Variants in KLF12 observed in about 807,000 individuals in gnomAD.
KLF12 encodes the protein Krueppel-like factor 12.
KLF12 carries 9 observed loss-of-function variants against 37.8 expected under a neutral mutation model. That is an observed-to-expected ratio of 0.24 (90% CI 0.14 to 0.42). KLF12 has a LOEUF of 0.42. Ranked by LOEUF, KLF12 falls within the 10% of genes least tolerant of loss-of-function variation. KLF12 has a pLI of 1.00. For synonymous variants in KLF12, 208 were observed against 202.1 expected, an observed-to-expected ratio of 1.03 and a Z score of -0.25; for missense variants, 411 against 516.0, an observed-to-expected ratio of 0.80 and a Z score of 1.97.
chr13:74,163,465 G>T, the KLF12 span, among the ~76,000 whole-genome samples: 1 of 152,158 alleles, frequency 6.6e-6, no homozygotes, highest in African/African-American at 2.4e-5. Flanking sequence ...TACCTTAAGT[G>T]AAATAAGCCA....
intron 3 of KLF12, among the ~76,000 whole-genome samples, chr13:73,914,082 C>T (rs2139170360): frequency 6.6e-6 from 1 of 151,950 alleles, no homozygotes; most frequent in East Asian, 1.9e-4. Flanking sequence ...CTGCCAACAT[C>T]AATAAATGTT....
intron 7 of KLF12, among the ~76,000 whole-genome samples, chr13:73,709,836 T>A (rs1875226678): frequency 6.6e-6 from 1 of 152,166 alleles, no homozygotes; most frequent in South Asian, 2.1e-4. Context: ...TTAAGACCTA[T>A]CTGAATGGAG....
the KLF12 span, among the ~76,000 whole-genome samples, chr13:74,201,714 T>C: frequency 6.6e-6 from 1 of 152,168 alleles, no homozygotes; most frequent in Non-Finnish European, 1.5e-5. Flanking sequence ...AAATCCAGGC[T>C]TCTCTGGCTC....
At chr13:73,888,008 A>ATT (rs35761111) in intron 3 of KLF12, among the ~76,000 whole-genome samples, 2,787 of 147,704 alleles carry the variant, frequency 0.019, 55 homozygotes, top group African/African-American at 0.051. Context: ...AAATTTCAGA[A>ATT]TTTTTTTTTT....
At chr13:74,074,126 C>T (rs1161421723) in intron 1 of KLF12, among the ~76,000 whole-genome samples, 1 of 152,192 alleles carries the variant, frequency 6.6e-6, no homozygotes, top group East Asian at 1.9e-4. Flanking sequence ...ACTGTCCCTT[C>T]TGCTACTGTT....
At position 74,108,370 on chromosome 13, in the gene KLF12, A is replaced by G. The variant is rs1452937332; in HGVS notation, c.-32+25369T>C. The stretch of plus-strand genomic sequence containing the variant: ...TCAAAAACTCTAAATATGTTCATTT[A>G]CATATTATTTTTCTTCAAGAATCTA... On this transcript the variant is annotated intron_variant, in intron 1 of 7. Coordinates refer to ENST00000377669, the MANE Select transcript of KLF12 (RefSeq NM_007249.5). Among the ~76,000 whole-genome samples, 3 of 152,144 alleles carry G rather than the reference A, an allele frequency of 2.0e-5. No homozygotes were observed. In the East Asian group the frequency reaches 5.8e-4, roughly 29 times the overall value.
At chr13:73,854,562 C>T (rs1319760120) in intron 3 of KLF12, among the ~76,000 whole-genome samples, 6 of 152,146 alleles carry the variant, frequency 3.9e-5, no homozygotes, top group Non-Finnish European at 7.4e-5. Flanking sequence ...GGCATATTAG[C>T]AAAACAATGG....
intron 1 of KLF12, among the ~76,000 whole-genome samples, chr13:74,045,140 A>T (rs1893508350): frequency 6.6e-6 from 1 of 152,196 alleles, no homozygotes; most frequent in Non-Finnish European, 1.5e-5. Flanking sequence ...CTTCCAAGAG[A>T]ACAGTAATAA....
At chr13:73,955,106 TA>T in intron 2 of KLF12, among the ~76,000 whole-genome samples, 1 of 152,330 alleles carries the variant, frequency 6.6e-6, no homozygotes, top group South Asian at 2.1e-4. Flanking sequence ...ATAATTTTTT[TA>T]AGACTTCAAA....
At chr13:73,830,073 A>C (rs1884069634) in intron 4 of KLF12, among the ~76,000 whole-genome samples, 4 of 152,220 alleles carry the variant, frequency 2.6e-5, no homozygotes, top group Non-Finnish European at 5.9e-5. Flanking sequence ...GTGCTTGTTA[A>C]TAGTTGCATT....
Position 73,940,565 on chromosome 13 carries a change from A to G in KLF12, c.123+3416T>C, listed in dbSNP as rs923321879. Among the ~76,000 whole-genome samples the G allele has an allele frequency of 2.0e-5, 3 of 152,156 alleles. No homozygotes were observed. The South Asian group carries it at 6.2e-4, about 32-fold the overall frequency. The stretch of plus-strand genomic sequence containing the variant: ...TTACAATTTTGATTTTTATGTTCAC[A>G]ATAACCCTATGACATAGAGCAGGTT... On this transcript the variant is annotated intron_variant, in intron 3 of 7. Transcript: ENST00000377669.
chr13:73,734,617 T>C (rs2137830464), intron 6 of KLF12, among the ~76,000 whole-genome samples: 1 of 148,568 alleles, frequency 6.7e-6, no homozygotes, highest in East Asian at 2.1e-4. Context: ...TCTTCCTTTT[T>C]TGGGGGGGTG....
chr13:73,876,390 TTCCCTTAAAAGAC>T (rs1886705947), intron 3 of KLF12, among the ~76,000 whole-genome samples: 1 of 152,206 alleles, frequency 6.6e-6, no homozygotes, highest in Non-Finnish European at 1.5e-5. Context: ...GAAAACTCTC[TTCCCTTAAAAGAC>T]TCCTGTGATA....
chr13:73,691,253 A>C lies in KLF12; in HGVS notation c.*4237T>G, dbSNP rs1873806075. Reference sequence around the variant, plus strand: ...AGTGGAAGGCAGTGTGGGGATGAGTAGAAATGTCATATGGAAGACATGACT... The same window carrying C: ...AGTGGAAGGCAGTGTGGGGATGAGTCGAAATGTCATATGGAAGACATGACT... On this transcript the variant is annotated 3_prime_UTR_variant, in exon 8 of 8. Coordinates refer to ENST00000377669, the MANE Select transcript of KLF12 (RefSeq NM_007249.5). 1.3e-5 allele frequency: 2 copies of C among 152,684 alleles called. No homozygotes were observed. The highest frequency in any genetic ancestry group is 1.3e-4 in the Admixed American group (2 of 15,276). The allele number at this position is 152,684 out of a possible 1,614,324, so 9.5% of individuals were successfully genotyped here. A position where few individuals can be genotyped will look rare whatever the true frequency, so the allele number is the denominator to read the frequency against.
At chr13:73,713,709 T>G (rs1045640870) in intron 7 of KLF12, among the ~76,000 whole-genome samples, 1 of 152,224 alleles carries the variant, frequency 6.6e-6, no homozygotes, top group Non-Finnish European at 1.5e-5. Flanking sequence ...TATGTTAGAA[T>G]CTGTAAGATG....
chr13:74,190,093 A>G, the KLF12 span, among the ~76,000 whole-genome samples: 2 of 152,192 alleles, frequency 1.3e-5, no homozygotes, highest in African/African-American at 4.8e-5. Flanking sequence ...GTATATTTTT[A>G]GTGTGCAATA....
Position 74,068,129 on chromosome 13 carries a change from A to C in KLF12, c.-32+65610T>G, listed in dbSNP as rs994296931. Reference sequence around the variant, plus strand: ...TTTTTAATAAGAGGTTTTTATCCTAAACTTGTTTATGCAGTAATGCCTTAT... The same window carrying C: ...TTTTTAATAAGAGGTTTTTATCCTACACTTGTTTATGCAGTAATGCCTTAT... On this transcript the variant is annotated intron_variant, in intron 1 of 7. Coordinates refer to ENST00000377669, the MANE Select transcript of KLF12 (RefSeq NM_007249.5). Among the ~76,000 whole-genome samples the C allele has an allele frequency of 2.6e-5, 4 of 152,190 alleles. No homozygotes were observed. In the East Asian group the frequency reaches 7.7e-4, roughly 29 times the overall value.
chr13:74,102,640 G>A (rs1270000327), intron 1 of KLF12, among the ~76,000 whole-genome samples: 1 of 151,960 alleles, frequency 6.6e-6, no homozygotes, highest in African/African-American at 2.4e-5. Context: ...GGGGGTTGCA[G>A]TGAGCTGAGA....
At chr13:74,071,818 G>C (rs1020882370) in intron 1 of KLF12, among the ~76,000 whole-genome samples, 1 of 152,200 alleles carries the variant, frequency 6.6e-6, no homozygotes, top group African/African-American at 2.4e-5. Flanking sequence ...TGAAGCTACA[G>C]GGGAGAAAAC....
Sources: gnomAD v4.1 joint callset for allele counts (sites outside exome capture counted in the v4.1 genomes callset) on GRCh38, gnomAD v4.1.1 for gene constraint, MANE v1.5 for transcripts, NCBI Gene and HGNC (gene_info 2026-07-23, HGNC 2026-07-21) for gene names.